B3GALT1: variants seen among roughly 807,000 people sequenced by gnomAD.
The protein encoded by B3GALT1 is UDP-Gal:betaGlcNAc beta 1,3-galactosyltransferase, polypeptide 1.
In B3GALT1, 10 loss-of-function variants were observed where a neutral mutation model predicts 23.2. The observed-to-expected ratio is 0.43, with a 90% CI of 0.27 to 0.73. B3GALT1 has a LOEUF of 0.73. B3GALT1 is among the 30% of genes least tolerant of loss of function. The pLI, the probability that B3GALT1 is intolerant of heterozygous loss-of-function variation, is 0.21. For synonymous variants in B3GALT1, 156 were observed against 141.5 expected (o/e 1.10, Z -0.73); for missense variants, 299 against 405.4 (o/e 0.74, Z 2.25).
intron 4 of B3GALT1, among the ~76,000 whole-genome samples, chr2:167,840,181 G>C (rs201236358): frequency 0.14 from 21,101 of 151,476 alleles, 1,787 homozygotes; most frequent in East Asian, 0.4. Flanking sequence ...TGACAAATGG[G>C]ATCTAATTAA....
chr2:167,704,900 C>T (rs1360907671), intron 3 of B3GALT1, among the ~76,000 whole-genome samples: 4 of 151,924 alleles, frequency 2.6e-5, no homozygotes, highest in Non-Finnish European at 4.4e-5. Context: ...TTTTAAAAAG[C>T]ATTGATTTTA....
At chr2:167,859,287 C>G (rs1690055280) in intron 4 of B3GALT1, among the ~76,000 whole-genome samples, 1 of 152,040 alleles carries the variant, frequency 6.6e-6, no homozygotes, top group Non-Finnish European at 1.5e-5. Context: ...GTAAAGGAAG[C>G]CAAGCATTTA....
intron 1 of B3GALT1, among the ~76,000 whole-genome samples, chr2:167,369,164 A>G (rs941655789): frequency 1.3e-5 from 2 of 151,088 alleles, no homozygotes; most frequent in African/African-American, 4.9e-5. Flanking sequence ...AATCTATTTT[A>G]TATGTGCCCA....
At chr2:167,303,495 T>C (rs989660425) in intron 1 of B3GALT1, among the ~76,000 whole-genome samples, 2 of 152,100 alleles carry the variant, frequency 1.3e-5, no homozygotes, top group East Asian at 3.9e-4. Context: ...GAGATTAGCA[T>C]TTAAATCATT....
intron 2 of B3GALT1, among the ~76,000 whole-genome samples, chr2:167,620,620 C>T (rs1685238318): frequency 6.6e-6 from 1 of 152,058 alleles, no homozygotes; most frequent in Admixed American, 6.6e-5. Flanking sequence ...GGCACTTTCA[C>T]AGTCACAGAG....
intron 3 of B3GALT1, among the ~76,000 whole-genome samples, chr2:167,809,576 G>A (rs954791479): frequency 1.3e-5 from 2 of 152,238 alleles, no homozygotes; most frequent in African/African-American, 4.8e-5. Context: ...CTGGGTATCA[G>A]CAGCAGAGGC....
intron 3 of B3GALT1, among the ~76,000 whole-genome samples, chr2:167,802,895 A>T (rs1352782488): frequency 1.3e-5 from 2 of 150,292 alleles, no homozygotes; most frequent in Non-Finnish European, 2.9e-5. Context: ...AATGAAGTTG[A>T]CAACACTTTT....
At chr2:167,483,842 A>T (rs2105337826) in intron 1 of B3GALT1, among the ~76,000 whole-genome samples, 1 of 152,256 alleles carries the variant, frequency 6.6e-6, no homozygotes, top group Non-Finnish European at 1.5e-5. Context: ...TTGGTTCATT[A>T]TTTGGCTCAT....
chr2:167,400,166 C>CTGTGTGTGTGTG (rs149993955), intron 1 of B3GALT1, among the ~76,000 whole-genome samples: 87,005 of 145,584 alleles, frequency 0.6, 28,950 homozygotes, highest in Non-Finnish European at 0.75. Context: ...ACATCTATGT[C>CTGTGTGTGTGTG]TGTGTGTGTG....
intron 3 of B3GALT1, among the ~76,000 whole-genome samples, chr2:167,695,422 G>C (rs1351715809): frequency 6.6e-6 from 1 of 152,092 alleles, no homozygotes; most frequent in Non-Finnish European, 1.5e-5. Context: ...TGATGAACAA[G>C]CAAGTTAATG....
intron 1 of B3GALT1, among the ~76,000 whole-genome samples, chr2:167,479,804 A>G (rs1351143275): frequency 6.6e-6 from 1 of 152,104 alleles, no homozygotes; most frequent in Non-Finnish European, 1.5e-5. Flanking sequence ...ATGCGATGCT[A>G]GCCACGTGGT....
chr2:167,807,832 T>G (rs1489693973), intron 3 of B3GALT1, among the ~76,000 whole-genome samples: 1 of 152,214 alleles, frequency 6.6e-6, no homozygotes, highest in Non-Finnish European at 1.5e-5. Flanking sequence ...CTATTAGGTC[T>G]GCTTGGTGCA....
At chr2:167,837,090 C>T (rs920449135) in intron 4 of B3GALT1, among the ~76,000 whole-genome samples, 3 of 152,152 alleles carry the variant, frequency 2.0e-5, no homozygotes, top group Non-Finnish European at 2.9e-5. Flanking sequence ...AATGTAAAGA[C>T]CATCGAGGCT....
At chr2:167,368,897 C>A (rs191970908) in intron 1 of B3GALT1, among the ~76,000 whole-genome samples, 7 of 152,100 alleles carry the variant, frequency 4.6e-5, no homozygotes, top group East Asian at 3.9e-4. Flanking sequence ...TGCTTCCCCC[C>A]CCCATGTGAG....
At chr2:167,531,887 GT>G (rs887682740) in intron 2 of B3GALT1, among the ~76,000 whole-genome samples, 2 of 152,094 alleles carry the variant, frequency 1.3e-5, no homozygotes, top group African/African-American at 4.8e-5. Context: ...GGCTCAATGG[GT>G]TTTTTCTGCA....
intron 1 of B3GALT1, among the ~76,000 whole-genome samples, chr2:167,300,187 G>A (rs1559059383): frequency 6.6e-6 from 1 of 152,204 alleles, no homozygotes. Context: ...TTACAGGCAT[G>A]AGCCACTGTG....
intron 2 of B3GALT1, among the ~76,000 whole-genome samples, chr2:167,644,486 A>G (rs1685708708): frequency 6.6e-6 from 1 of 152,140 alleles, no homozygotes; most frequent in South Asian, 2.1e-4. Flanking sequence ...AATTGATCTT[A>G]AAAAACATTT....
At chr2:167,479,953 T>G (rs550917313) in intron 1 of B3GALT1, among the ~76,000 whole-genome samples, 1 of 152,244 alleles carries the variant, frequency 6.6e-6, no homozygotes, top group African/African-American at 2.4e-5. Context: ...AAAATGGCCC[T>G]CATGCGCTGA....
intron 1 of B3GALT1, among the ~76,000 whole-genome samples, chr2:167,403,577 T>A (rs1033189754): frequency 3.3e-5 from 5 of 152,000 alleles, no homozygotes; most frequent in Non-Finnish European, 5.9e-5. Context: ...CAAAGAGTTA[T>A]CTGGTCAATA....
Sources: allele counts gnomAD v4.1 joint callset (sites outside exome capture counted in the v4.1 genomes callset), GRCh38; gene constraint gnomAD v4.1.1; transcripts MANE v1.5; gene names NCBI Gene and HGNC (gene_info 2026-07-23, HGNC 2026-07-21).